EDIL3: variants seen among roughly 807,000 people sequenced by gnomAD.
EDIL3 encodes EGF like and discoidin domains 3, also known as EGF-like repeat and discoidin I-like domain-containing protein 3.
EDIL3 carries 37 observed loss-of-function variants against 67.4 expected under a neutral mutation model. That is an observed-to-expected ratio of 0.55 (90% CI 0.42 to 0.72). The LOEUF is 0.72. Among genes scored for constraint, EDIL3 ranks in the 30% least tolerant of loss-of-function variants. The probability of loss-of-function intolerance (pLI) is 0.00; values close to 1 mark genes in which losing one functional copy is unlikely to be tolerated. For synonymous variants in EDIL3, 195 were observed against 196.3 expected (o/e 0.99, Z 0.05); for missense variants, 527 against 586.3 (o/e 0.90, Z 1.04).
chr5:84,026,526 G>A (rs1021909435), intron 9 of EDIL3, among the ~76,000 whole-genome samples: 7 of 151,510 alleles, frequency 4.6e-5, no homozygotes, highest in African/African-American at 1.7e-4. Context: ...TTTTTCTTGT[G>A]GGCATTTCTA....
chr5:84,132,374 T>TTTATACATA (rs1561440559), intron 5 of EDIL3, among the ~76,000 whole-genome samples: 27 of 46,380 alleles, frequency 5.8e-4, no homozygotes, highest in South Asian at 3.7e-3. Flanking sequence ...TTATATATAT[T>TTTATACATA]ATATATAATA....
At chr5:84,151,567 A>G (rs1403267212) in intron 4 of EDIL3, among the ~76,000 whole-genome samples, 2 of 152,168 alleles carry the variant, frequency 1.3e-5, no homozygotes, top group African/African-American at 4.8e-5. Flanking sequence ...CACTCAAGAA[A>G]GTCTTTGCAA....
At chr5:84,176,201 ATATATATAT>A (rs1561453767) in intron 4 of EDIL3, among the ~76,000 whole-genome samples, 14 of 9,188 alleles carry the variant, frequency 1.5e-3, no homozygotes, top group African/African-American at 2.6e-3. Context: ...TATATATAAT[ATATATATAT>A]ATATATATAT....
intron 9 of EDIL3, among the ~76,000 whole-genome samples, chr5:84,011,356 T>A (rs189602373): frequency 9.2e-4 from 140 of 152,310 alleles, no homozygotes; most frequent in Non-Finnish European, 1.7e-3. Flanking sequence ...TCTTTAAAAT[T>A]TATACTGACT....
chr5:84,066,969 C>T (rs570022329), intron 6 of EDIL3, among the ~76,000 whole-genome samples: 38 of 152,238 alleles, frequency 2.5e-4, no homozygotes, highest in Admixed American at 1.8e-3. Flanking sequence ...TACTATAAAA[C>T]TCTATTGTCA....
rs148346706 is a variant in EDIL3, at chr5:84,370,595, G to C, written c.67+13713C>G. ...AAACCTGGATAATAAAATAAATAAA[G>C]TTTACTGTCTAGCTCCCATATAGTA... On this transcript the variant is annotated intron_variant, in intron 1 of 10. Transcript: ENST00000296591. Among the ~76,000 whole-genome samples, 346 of 152,214 alleles carry C rather than the reference G, an allele frequency of 2.3e-3. 1 individual carries two copies. Among genetic ancestry groups the C allele is most frequent in the Non-Finnish European group, 4.1e-3 (280 of 67,990 alleles).
At position 84,186,236 on chromosome 5, in the gene EDIL3, A is replaced by AT. The variant is rs1232316533; in HGVS notation, c.227-5716dup. Among the ~76,000 whole-genome samples, 9 of 152,270 alleles carry AT rather than the reference A, an allele frequency of 5.9e-5. No homozygotes were observed. In the East Asian group the frequency reaches 1.4e-3, roughly 23 times the overall value. On this transcript the variant is annotated intron_variant, in intron 3 of 10. Coordinates refer to ENST00000296591, the MANE Select transcript of EDIL3 (RefSeq NM_005711.5). ...TAATATGTAAAGGTCTTGTAACACT[A>AT]TAAGTAATAATAATCACCTAGAGCA...
intron 4 of EDIL3, among the ~76,000 whole-genome samples, chr5:84,173,911 C>G (rs974612413): frequency 6.6e-6 from 1 of 152,178 alleles, no homozygotes; most frequent in Non-Finnish European, 1.5e-5. Flanking sequence ...CAGCAATGAA[C>G]TTTTCTTGCT....
Position 84,384,317 on chromosome 5 carries a change from A to C in EDIL3, c.58T>G (p.Phe20Val). ...LVGLSLGVPQ[F>V]GKGDICDPNP... ...GGTCCCGACGCCTTACCTTTGCCGA[A>C]CTGGGGGACACCGAGGCTGAGCCCG... The change falls in exon 1 of 11, where the codon TTC (phenylalanine) becomes GTC (valine). Residue 20 changes from phenylalanine (F) to valine (V), a missense_variant. Physicochemically the swap from Phe to Val is conservative, Grantham distance 50. Around this residue, in one of 2 missense-constraint regions of EDIL3, gnomAD observed 494 missense variants for 522.5 expected, o/e 0.95. Transcript: ENST00000296591. The C allele has an allele frequency of 1.2e-6, 2 of 1,610,054 alleles. No individual in the cohort carries two copies. Among genetic ancestry groups the C allele is most frequent in the South Asian group, 2.2e-5 (2 of 90,426 alleles).
chr5:83,989,603 T>G (rs1279264336), intron 9 of EDIL3, among the ~76,000 whole-genome samples: 1 of 152,224 alleles, frequency 6.6e-6, no homozygotes, highest in East Asian at 1.9e-4. Flanking sequence ...AAGGGATAAG[T>G]AAATATTGTA....
intron 9 of EDIL3, among the ~76,000 whole-genome samples, chr5:84,015,049 T>C (rs1365112370): frequency 6.6e-6 from 1 of 152,188 alleles, no homozygotes. Context: ...GCTCTTATTC[T>C]ATGATGAATA....
intron 4 of EDIL3, among the ~76,000 whole-genome samples, chr5:84,168,108 A>T (rs1748741886): frequency 6.6e-6 from 1 of 152,210 alleles, no homozygotes; most frequent in Non-Finnish European, 1.5e-5. Flanking sequence ...AAATAAATTA[A>T]AATGTTGAGA....
chr5:84,227,044 C>T (rs528079225), intron 3 of EDIL3, among the ~76,000 whole-genome samples: 3 of 152,032 alleles, frequency 2.0e-5, no homozygotes, highest in East Asian at 3.9e-4. Flanking sequence ...AGCACCAACA[C>T]TGCTTGGCAG....
At chr5:84,084,132 A>ATT in intron 6 of EDIL3, among the ~76,000 whole-genome samples, 1 of 152,224 alleles carries the variant, frequency 6.6e-6, no homozygotes, top group African/African-American at 2.4e-5. Context: ...ATAGCAAGAA[A>ATT]TAAATTATTT....
chr5:84,363,688 G>A (rs1322069487), intron 1 of EDIL3, among the ~76,000 whole-genome samples: 2 of 152,132 alleles, frequency 1.3e-5, no homozygotes, highest in African/African-American at 4.8e-5. Flanking sequence ...AACATAGCAA[G>A]AGGTAAGATG....
At chr5:84,345,242 C>T (rs2112182053) in intron 1 of EDIL3, among the ~76,000 whole-genome samples, 1 of 152,048 alleles carries the variant, frequency 6.6e-6, no homozygotes, top group South Asian at 2.1e-4. Flanking sequence ...AAGATAGAAC[C>T]CTCCTGATTT....
intron 2 of EDIL3, 141 bp from the exon 3 acceptor site, chr5:84,230,025 C>T (rs1744538307): frequency 1.4e-6 from 1 of 701,684 alleles, no homozygotes; most frequent in East Asian, 2.8e-5. Flanking sequence ...ACTACAAGCC[C>T]CTGACTTGTA....
chr5:84,207,791 T>C (rs1744016940), intron 3 of EDIL3, among the ~76,000 whole-genome samples: 1 of 151,664 alleles, frequency 6.6e-6, no homozygotes, highest in Admixed American at 6.6e-5. Context: ...AAACAAGCAA[T>C]GGGGAAAGGA....
At position 84,045,823 on chromosome 5, in the gene EDIL3, T is replaced by G. The variant is rs75618287; in HGVS notation, c.1137+14477A>C. Among the ~76,000 whole-genome samples the G allele has an allele frequency of 5.7e-3, 867 of 152,318 alleles. 12 individuals carry two copies. The highest frequency in any genetic ancestry group is 0.02 in the African/African-American group (833 of 41,584). On this transcript the variant is annotated intron_variant, in intron 9 of 10. Coordinates refer to ENST00000296591, the MANE Select transcript of EDIL3 (RefSeq NM_005711.5). ...AAATGAATGCAAAATTTTCTATAAATAAATTTTATTTTGATATCAGCCAGC... is the reference window on the plus strand; with the variant it reads ...AAATGAATGCAAAATTTTCTATAAAGAAATTTTATTTTGATATCAGCCAGC...
Sources: allele counts gnomAD v4.1 joint callset (sites outside exome capture counted in the v4.1 genomes callset), GRCh38; gene constraint gnomAD v4.1.1; regional missense constraint gnomAD v4.1.1; transcripts MANE v1.5; gene names NCBI Gene and HGNC (gene_info 2026-07-23, HGNC 2026-07-21).